SDCCAG8: variants seen among roughly 807,000 people sequenced by gnomAD.
SDCCAG8 encodes the protein serologically defined colon cancer antigen 8.
Under a neutral mutation model 101.8 loss-of-function variants are expected in SDCCAG8, and 74 were observed. The ratio of observed to expected loss-of-function variants is 0.73; its 90% confidence interval spans 0.60 to 0.88. SDCCAG8 has a LOEUF of 0.88. Ranked by LOEUF, SDCCAG8 falls within the 40% of genes least tolerant of loss-of-function variation. The pLI, the probability that SDCCAG8 is intolerant of heterozygous loss-of-function variation, is 0.00. For missense variants in SDCCAG8, 787 were observed against 822.6 expected (o/e 0.96, Z 0.53); for synonymous variants, 281 against 292.9 (o/e 0.96, Z 0.41).
At chr1:243,442,502 G>A (rs2082607884) in intron 16 of SDCCAG8, among the ~76,000 whole-genome samples, 1 of 152,104 alleles carries the variant, frequency 6.6e-6, no homozygotes, top group Non-Finnish European at 1.5e-5. Flanking sequence ...TCCCATTCAA[G>A]TGTGTCTCAG....
intron 13 of SDCCAG8, among the ~76,000 whole-genome samples, chr1:243,414,519 T>A (rs2080428457): frequency 2.0e-5 from 3 of 152,074 alleles, no homozygotes; most frequent in Non-Finnish European, 2.9e-5. Context: ...GAGGTGTGGG[T>A]GTATTTTCAT....
chr1:243,430,756 A>G (rs1279865814), intron 16 of SDCCAG8, among the ~76,000 whole-genome samples: 2 of 152,112 alleles, frequency 1.3e-5, no homozygotes, highest in African/African-American at 4.8e-5. Flanking sequence ...TGTTTTTATC[A>G]TGGACCTTTA....
chr1:243,464,172 G>A (rs187421698), intron 16 of SDCCAG8, among the ~76,000 whole-genome samples: 3 of 152,290 alleles, frequency 2.0e-5, no homozygotes, highest in Admixed American at 2.0e-4. Flanking sequence ...GAAGCATGTG[G>A]TGGCATTGGT....
chr1:243,453,512 T>G (rs1421145897), intron 16 of SDCCAG8, among the ~76,000 whole-genome samples: 1 of 152,098 alleles, frequency 6.6e-6, no homozygotes, highest in Non-Finnish European at 1.5e-5. Flanking sequence ...ATGTAACATA[T>G]TGGCCCACTG....
intron 12 of SDCCAG8, among the ~76,000 whole-genome samples, chr1:243,366,377 C>T (rs994289384): frequency 2.6e-5 from 4 of 151,906 alleles, no homozygotes; most frequent in Admixed American, 6.6e-5. Context: ...GCAGGAGCTA[C>T]ACCACTGTAA....
intron 16 of SDCCAG8, among the ~76,000 whole-genome samples, chr1:243,483,861 C>CA (rs1402353877): frequency 6.6e-6 from 1 of 152,254 alleles, no homozygotes; most frequent in East Asian, 1.9e-4. Flanking sequence ...CCTTCCCTCT[C>CA]ACTGCAGAAG....
At chr1:243,328,152 T>C (rs2074334065) in intron 9 of SDCCAG8, among the ~76,000 whole-genome samples, 1 of 152,168 alleles carries the variant, frequency 6.6e-6, no homozygotes, top group African/African-American at 2.4e-5. Context: ...TCCGCCTGCC[T>C]CAGCCTCCCA....
At chr1:243,484,152 C>T (rs1354056741) in intron 16 of SDCCAG8, among the ~76,000 whole-genome samples, 1 of 152,252 alleles carries the variant, frequency 6.6e-6, no homozygotes, top group Admixed American at 6.5e-5. Context: ...CTGCCATCCT[C>T]TGTCTGTTAA....
At chr1:243,311,784 C>G (rs1486467210) in intron 8 of SDCCAG8, among the ~76,000 whole-genome samples, 4 of 151,772 alleles carry the variant, frequency 2.6e-5, no homozygotes, top group Admixed American at 6.6e-5. Flanking sequence ...AAAAACTCAG[C>G]CAAGAAATAA....
At chr1:243,390,435 C>T (rs772208786) in intron 13 of SDCCAG8, among the ~76,000 whole-genome samples, 5 of 152,182 alleles carry the variant, frequency 3.3e-5, no homozygotes, top group Non-Finnish European at 7.3e-5. Context: ...CTGGTGGACA[C>T]CACACTGCCT....
intron 9 of SDCCAG8, 124 bp from the exon 10 acceptor site, chr1:243,330,416 T>G: frequency 1.1e-6 from 1 of 903,048 alleles, no homozygotes; most frequent in African/African-American, 1.7e-5. Flanking sequence ...CAATAAAAAA[T>G]TATTCTAATG....
chr1:243,424,188 G>A (rs1212909467), intron 15 of SDCCAG8, among the ~76,000 whole-genome samples: 5 of 151,860 alleles, frequency 3.3e-5, no homozygotes, highest in Non-Finnish European at 7.4e-5. Context: ...ATAATTTCCT[G>A]TTGTTTACAT....
At chr1:243,259,338 T>C (rs1400436894) in intron 1 of SDCCAG8, among the ~76,000 whole-genome samples, 7 of 148,386 alleles carry the variant, frequency 4.7e-5, no homozygotes, top group Admixed American at 2.0e-4. Flanking sequence ...ACCCAGGAGG[T>C]GGAGCTTGCA....
intron 13 of SDCCAG8, among the ~76,000 whole-genome samples, chr1:243,393,505 A>G (rs2078845786): frequency 6.7e-6 from 1 of 148,360 alleles, no homozygotes; most frequent in African/African-American, 2.5e-5. Flanking sequence ...CTTTGTTCAA[A>G]AAGGAAAATT....
intron 1 of SDCCAG8, among the ~76,000 whole-genome samples, chr1:243,268,527 GA>G (rs925921322): frequency 1.3e-5 from 2 of 152,172 alleles, no homozygotes; most frequent in Non-Finnish European, 2.9e-5. Context: ...TTGGTATGGA[GA>G]AAAATATGGT....
chr1:243,358,870 T>C (rs920484656), intron 12 of SDCCAG8, among the ~76,000 whole-genome samples: 2 of 152,140 alleles, frequency 1.3e-5, no homozygotes. Flanking sequence ...AAAGACAACA[T>C]ATTGTATGAT....
intron 8 of SDCCAG8, among the ~76,000 whole-genome samples, chr1:243,314,911 T>C (rs1300148987): frequency 1.3e-5 from 2 of 152,222 alleles, no homozygotes; most frequent in African/African-American, 4.8e-5. Context: ...AGTTTCAGCA[T>C]GTTGGTCAGG....
At chr1:243,300,784 T>C (rs571199882) in intron 6 of SDCCAG8, among the ~76,000 whole-genome samples, 1 of 152,318 alleles carries the variant, frequency 6.6e-6, no homozygotes, top group East Asian at 1.9e-4. Flanking sequence ...TCTAAATTTT[T>C]CAGTTTCCAT....
intron 17 of SDCCAG8, among the ~76,000 whole-genome samples, chr1:243,494,749 G>A (rs1391210064): frequency 6.6e-6 from 1 of 152,196 alleles, no homozygotes; most frequent in Non-Finnish European, 1.5e-5. Flanking sequence ...TGCTTCCTGA[G>A]TCAGACATTA....
Sources: allele counts gnomAD v4.1 joint callset (sites outside exome capture counted in the v4.1 genomes callset), GRCh38; gene constraint gnomAD v4.1.1; transcripts MANE v1.5; gene names NCBI Gene and HGNC (gene_info 2026-07-23, HGNC 2026-07-21).